The following PTK7 variants were observed in gnomAD, a reference collection of about 807,000 sequenced individuals.
PTK7 encodes the protein protein tyrosine kinase 7 (inactive), also known as inactive tyrosine-protein kinase 7.
A neutral mutation model predicts 116.6 loss-of-function variants in PTK7; 39 were observed. The observed-to-expected ratio is 0.33, with a 90% CI of 0.26 to 0.44. PTK7 has a LOEUF of 0.44. Among genes scored for constraint, PTK7 ranks in the 20% least tolerant of loss-of-function variants. The probability of loss-of-function intolerance (pLI) is 1.00; values close to 1 mark genes in which losing one functional copy is unlikely to be tolerated. For missense variants in PTK7, 1,169 were observed against 1,425.6 expected (o/e 0.82, Z 2.90); for synonymous variants, 546 against 563.6 (o/e 0.97, Z 0.44).
chr6:43,098,035 A>G (rs1359396269), intron 1 of PTK7, among the ~76,000 whole-genome samples: 1 of 152,168 alleles, frequency 6.6e-6, no homozygotes, highest in African/African-American at 2.4e-5. Context: ...GTGTTTATTC[A>G]TCTGTAGAAT....
At position 43,141,902 on chromosome 6, in the gene PTK7, C is replaced by T. The variant is rs1268003041; in HGVS notation, c.1769-29C>T. 1 of 1,594,484 alleles carries T rather than the reference C, an allele frequency of 6.3e-7. No individual in the cohort carries two copies. Among genetic ancestry groups the T allele is most frequent in the South Asian group, 1.1e-5 (1 of 89,456 alleles). On this transcript the variant is annotated intron_variant, in intron 11 of 19. Transcript: ENST00000230419. The surrounding 1 kb of genome is among the most constrained non-coding windows in gnomAD (Gnocchi z 4.9). ...TGCCAGCCCCTTGGCTTACCCCTCC[C>T]TGCGCCTCGCTGGTCTCTTTTCTTC...
At chr6:43,125,817 A>G (rs181367416) in intron 1 of PTK7, among the ~76,000 whole-genome samples, 54 of 152,282 alleles carry the variant, frequency 3.5e-4, no homozygotes, top group Non-Finnish European at 7.2e-4. Context: ...TACTTACCCA[A>G]GGTCAGACAC....
At position 43,139,183 on chromosome 6, in the gene PTK7, C is replaced by T. The variant is rs201674266; in HGVS notation, c.1410C>T (p.Ser470=). The change falls in exon 9 of 20, where the codon AGC becomes AGT. Residue 470 remains serine (S), a synonymous_variant. Transcript: ENST00000230419. This position sits in a 1 kb window ranked among gnomAD's most constrained non-coding sequence, Gnocchi z 4.6. Reference sequence around the variant, plus strand: ...AGAATGGGACCTTGCGCATCAACAGCGTGGAGGTGTATGATGGGACATGGT... The same window carrying T: ...AGAATGGGACCTTGCGCATCAACAGTGTGGAGGTGTATGATGGGACATGGT... The part of the protein sequence containing the change: ...VFKNGTLRIN[S]VEVYDGTWYR... 95 of 1,614,078 alleles carry T rather than the reference C, an allele frequency of 5.9e-5. No individual in the cohort carries two copies. The highest frequency in any genetic ancestry group is 7.4e-5 in the Non-Finnish European group (87 of 1,180,054).
rs1770647392 is a variant in PTK7, at chr6:43,145,058, G to A, written c.2408-142G>A. On this transcript the variant is annotated intron_variant, in intron 15 of 19. Transcript: ENST00000230419. The surrounding 1 kb of genome is among the most constrained non-coding windows in gnomAD (Gnocchi z 4.8). The stretch of plus-strand genomic sequence containing the variant: ...CTGCAGACACTGAAGCCTAAGGAGG[G>A]AGGGGGTCACAGCAGAACCGGGTCT... 3.2e-6 allele frequency: 2 copies of A among 618,588 alleles called. No individual in the cohort carries two copies. Among genetic ancestry groups the A allele is most frequent in the South Asian group, 5.6e-5 (2 of 35,416 alleles). 38.3% of individuals were successfully genotyped at this position (618,588 alleles called of 1,614,324 possible). A position where few individuals can be genotyped will look rare whatever the true frequency, so the allele number is the denominator to read the frequency against.
At chr6:43,140,988 A>C (rs912101718) in intron 10 of PTK7, among the ~76,000 whole-genome samples, 1 of 152,074 alleles carries the variant, frequency 6.6e-6, no homozygotes, top group Non-Finnish European at 1.5e-5. Flanking sequence ...TAATTTACTT[A>C]ACTGTTCCTT....
chr6:43,127,396 C>T (rs377161120), intron 1 of PTK7, among the ~76,000 whole-genome samples: 10 of 152,262 alleles, frequency 6.6e-5, no homozygotes, highest in East Asian at 5.8e-4. Context: ...ATGCCACCCA[C>T]CTGCCCGGCT....
chr6:43,120,972 C>T (rs1768921534), intron 1 of PTK7, among the ~76,000 whole-genome samples: 1 of 152,000 alleles, frequency 6.6e-6, no homozygotes, highest in African/African-American at 2.4e-5. Flanking sequence ...ATAGCCCTTC[C>T]AGCCCCAGAA....
At chr6:43,085,732 G>A (rs1195687400) in intron 1 of PTK7, among the ~76,000 whole-genome samples, 3 of 150,930 alleles carry the variant, frequency 2.0e-5, no homozygotes, top group Non-Finnish European at 4.4e-5. Context: ...TCGGGAGTTC[G>A]AGACCAGCCT....
chr6:43,132,418 C>A lies in PTK7; in HGVS notation c.962-3C>A, dbSNP rs141307288. ...GCCATTCCTCCTACTTATGTCCTTG[C>A]AGAGATTGAAGACATGCCGCTATTT... On this transcript the variant is annotated splice_polypyrimidine_tract_variant and splice_region_variant and intron_variant, in intron 6 of 19. Transcript: ENST00000230419. The A allele has an allele frequency of 1.9e-6, 3 of 1,565,660 alleles. No homozygotes were observed. The highest frequency in any genetic ancestry group is 2.6e-6 in the Non-Finnish European group (3 of 1,150,574).
intron 1 of PTK7, among the ~76,000 whole-genome samples, chr6:43,110,460 T>G (rs897291233): frequency 6.6e-6 from 1 of 152,030 alleles, no homozygotes; most frequent in Non-Finnish European, 1.5e-5. Context: ...GTGCCCAGGC[T>G]GGAGTACAGT....
chr6:43,103,218 CA>C (rs1420351305), intron 1 of PTK7, among the ~76,000 whole-genome samples: 1 of 152,188 alleles, frequency 6.6e-6, no homozygotes, highest in Non-Finnish European at 1.5e-5. Context: ...ACTGTATTGA[CA>C]GCACCAGTAA....
At chr6:43,113,212 G>A (rs769935875) in intron 1 of PTK7, among the ~76,000 whole-genome samples, 13 of 152,000 alleles carry the variant, frequency 8.6e-5, no homozygotes, top group Non-Finnish European at 1.8e-4. Flanking sequence ...CGAGTGGATC[G>A]TTTGAGGCCA....
At chr6:43,125,189 G>A (rs1411811150) in intron 1 of PTK7, among the ~76,000 whole-genome samples, 4 of 152,078 alleles carry the variant, frequency 2.6e-5, no homozygotes, top group African/African-American at 7.2e-5. Flanking sequence ...ACAAAAAAAA[G>A]AAAAAAGAAA....
chr6:43,157,364 A>ATATATATATATTTTTTTTTT (rs70990168), intron 17 of PTK7, among the ~76,000 whole-genome samples: 3 of 54,364 alleles, frequency 5.5e-5, no homozygotes, highest in Non-Finnish European at 9.8e-5. Flanking sequence ...ATATATATAT[A>ATATATATATATTTTTTTTTT]TTTTTTTTTT....
chr6:43,107,814 G>A (rs1456669584), intron 1 of PTK7, among the ~76,000 whole-genome samples: 4 of 152,110 alleles, frequency 2.6e-5, no homozygotes, highest in Admixed American at 6.6e-5. Context: ...ACCACAAATC[G>A]GCCGATATTT....
chr6:43,132,665 G>T lies in PTK7; in HGVS notation c.1206G>T (p.Gln402His), dbSNP rs750413924. The change falls in exon 7 of 20, where the codon CAG becomes CAT. Residue 402 changes from glutamine to histidine, a missense_variant. Gln to His is a conservative substitution (Grantham distance 24). Around this residue, in one of 3 missense-constraint regions of PTK7, gnomAD observed 487 missense variants for 549.8 expected, o/e 0.89. Coordinates refer to ENST00000230419, the MANE Select transcript of PTK7 (RefSeq NM_002821.5). ...CCAACCTGGCTGGTCAGCGGAGACA[G>T]GATGTCAACATCACTGTGGCCAGTG... ...HAANLAGQRR[Q>H]DVNITVATVP... 1 of 1,568,254 alleles carries T rather than the reference G, an allele frequency of 6.4e-7. No individual in the cohort carries two copies.
At chr6:43,078,839 A>G (rs1248227497) in intron 1 of PTK7, among the ~76,000 whole-genome samples, 13 of 152,042 alleles carry the variant, frequency 8.6e-5, no homozygotes, top group African/African-American at 2.4e-5. Context: ...TCCAATTCCC[A>G]TCCCCCTCCC....
At position 43,143,340 on chromosome 6, in the gene PTK7, G is replaced by A; in HGVS notation, c.2048-77G>A. The A allele has an allele frequency of 1.4e-6, 2 of 1,443,292 alleles. No individual in the cohort carries two copies. Among genetic ancestry groups the A allele is most frequent in the African/African-American group, 1.4e-5 (1 of 70,516 alleles). 89.4% of individuals were successfully genotyped at this position (1,443,292 alleles called of 1,614,324 possible). A position where few individuals can be genotyped will look rare whatever the true frequency, so the allele number is the denominator to read the frequency against. On this transcript the variant is annotated intron_variant, in intron 13 of 19. Coordinates refer to ENST00000230419, the MANE Select transcript of PTK7 (RefSeq NM_002821.5). The surrounding 1 kb of genome is among the most constrained non-coding windows in gnomAD (Gnocchi z 4.2). ...TCTGTTAAGTTGCCCTGTTGATGGG[G>A]TTGGGAGGAGTTAGTAGAGAAGCAG...
Position 43,132,485 on chromosome 6 carries a change from C to T in PTK7, c.1026C>T (p.Thr342=), listed in dbSNP as rs781137858. ...CAGCTGGCAGCGAGGAGCGTGTGAC[C>T]TGCCTTCCCCCCAAGGGTCTGCCAG... The part of the protein sequence containing the change: ...VFTAGSEERV[T]CLPPKGLPEP... Residue 342 remains threonine, a synonymous_variant, in exon 7 of 20, where the codon ACC becomes ACT. Transcript: ENST00000230419. 2.5e-6 allele frequency: 4 copies of T among 1,603,790 alleles called. No homozygotes were observed. Among genetic ancestry groups the T allele is most frequent in the Non-Finnish European group, 1.7e-6 (2 of 1,171,938 alleles).
Sources: allele counts gnomAD v4.1 joint callset (sites outside exome capture counted in the v4.1 genomes callset), GRCh38; gene constraint gnomAD v4.1.1; regional missense constraint gnomAD v4.1.1; non-coding constraint Gnocchi (gnomAD v3.1); transcripts MANE v1.5; gene names NCBI Gene and HGNC (gene_info 2026-07-23, HGNC 2026-07-21).